The following DBN1 variants were observed in gnomAD, a reference collection of about 807,000 sequenced individuals.
DBN1 encodes the protein drebrin.
In DBN1, 21 loss-of-function variants were observed where a neutral mutation model predicts 83.5. The ratio of observed to expected loss-of-function variants is 0.25; its 90% CI spans 0.18 to 0.36. The LOEUF (loss-of-function observed/expected upper bound fraction) is 0.36. DBN1 is among the 10% of genes least tolerant of loss of function. The probability of loss-of-function intolerance (pLI) is 1.00; values close to 1 mark genes in which losing one functional copy is unlikely to be tolerated. For missense variants in DBN1, 874 were observed against 935.7 expected (o/e 0.93, Z 0.86); for synonymous variants, 381 against 384.9 (o/e 0.99, Z 0.12).
rs1757457487 is a variant in DBN1 at position 177,466,603 on chromosome 5, C to T, written c.771+169G>A. 6.6e-6 allele frequency among the ~76,000 whole-genome samples: 1 copy of T among 152,196 alleles called. No individual in the cohort carries two copies. Among genetic ancestry groups the T allele is most frequent in the Non-Finnish European group, 1.5e-5 (1 of 68,034 alleles). On this transcript the variant is annotated intron_variant, in intron 8 of 14. Transcript: ENST00000393565. The surrounding 1 kb of genome is among the most constrained non-coding windows in gnomAD (Gnocchi z 4.8). ...TTTCCACGGCCAGAGGCCAGAGCCC[C>T]ACGTGATGAGGTGCCAGGCCTCATG...
At chr5:177,458,945 A>G (rs1403933582) in intron 12 of DBN1, among the ~76,000 whole-genome samples, 153 bp downstream of exon 12, 1 of 152,112 alleles carries the variant, frequency 6.6e-6, no homozygotes, top group East Asian at 1.9e-4. Flanking sequence ...CTGACTGTAC[A>G]CCAGGGCTCC....
intron 10 of DBN1, among the ~76,000 whole-genome samples, chr5:177,460,169 A>G (rs1341684219): frequency 6.6e-6 from 1 of 152,220 alleles, no homozygotes; most frequent in Non-Finnish European, 1.5e-5. Flanking sequence ...CCCCGTGGCC[A>G]GCGCTGTGCC....
chr5:177,471,546 G>C (rs553430670), intron 1 of DBN1, among the ~76,000 whole-genome samples: 22 of 152,230 alleles, frequency 1.4e-4, no homozygotes, highest in African/African-American at 5.3e-4. Context: ...TGCAGGGTCT[G>C]CCTCTGAGTC....
intron 1 of DBN1, among the ~76,000 whole-genome samples, chr5:177,471,571 C>A (rs1362601971): frequency 6.6e-6 from 1 of 152,112 alleles, no homozygotes; most frequent in African/African-American, 2.4e-5. Flanking sequence ...GACCTCACTG[C>A]ACCCCTGGTT....
chr5:177,472,827 A>G, intron 1 of DBN1: 1 of 986,158 alleles, frequency 1.0e-6, no homozygotes, highest in Middle Eastern at 5.2e-4. Flanking sequence ...CGCGGTCGCC[A>G]TGTGGCAGCA....
At position 177,463,974 on chromosome 5, in the gene DBN1, G is replaced by C. The variant is rs182478426; in HGVS notation, c.771+2798C>G. Among the ~76,000 whole-genome samples the C allele has an allele frequency of 4.7e-3, 710 of 151,914 alleles. 3 individuals carry two copies. The highest frequency in any genetic ancestry group is 8.1e-3 in the Non-Finnish European group (550 of 67,986). On this transcript the variant is annotated intron_variant, in intron 8 of 14. Coordinates refer to ENST00000393565, the MANE Select transcript of DBN1 (RefSeq NM_001363541.2). ...TACTAAAAATACAAACATTAGCCGG[G>C]CATGGAGCCGTGCACCTGTAATCCC...
intron 1 of DBN1, among the ~76,000 whole-genome samples, chr5:177,471,096 G>A (rs1035351100): frequency 3.3e-5 from 5 of 152,134 alleles, no homozygotes; most frequent in Admixed American, 2.0e-4. Context: ...CTGAACTAGC[G>A]TGAGGTGGGA....
intron 1 of DBN1, among the ~76,000 whole-genome samples, chr5:177,471,813 G>A (rs917456791): frequency 1.3e-5 from 2 of 152,114 alleles, no homozygotes; most frequent in African/African-American, 4.8e-5. Context: ...GCAGGCCTGT[G>A]TTGAGCAGGA....
chr5:177,473,335 C>T (rs1757986091), intron 1 of DBN1, 101 bp downstream of exon 1: 3 of 660,146 alleles, frequency 4.5e-6, no homozygotes, highest in Admixed American at 3.9e-5. Context: ...ATTTCGGGGT[C>T]CCCCTCCCTT....
chr5:177,466,944 T>C lies in DBN1; in HGVS notation c.674A>G (p.Tyr225Cys), dbSNP rs1207079936. 1.2e-6 allele frequency: 2 copies of C among 1,612,708 alleles called. No homozygotes were observed. The highest frequency in any genetic ancestry group is 1.7e-6 in the Non-Finnish European group (2 of 1,179,756). ...RQEQEERERRYREREQQIEEH... is the reference protein window; with the variant it reads ...RQEQEERERRCREREQQIEEH... ...CTCGATCTGCTGCTCCCGCTCCCGGTAGCGCCGCTCGCGCTCCTCTTGCTC... is the reference window on the plus strand; with the variant it reads ...CTCGATCTGCTGCTCCCGCTCCCGGCAGCGCCGCTCGCGCTCCTCTTGCTC... Residue 225 changes from tyrosine (Y) to cysteine (C), a missense_variant, in exon 7 of 15, where the codon TAC (tyrosine) becomes TGC (cysteine). This residue lies in a region of DBN1 where 725 missense variants were observed against 719.7 expected (regional missense o/e 1.01). Transcript: ENST00000393565. The surrounding 1 kb of genome is among the most constrained non-coding windows in gnomAD (Gnocchi z 4.8).
chr5:177,466,499 G>A lies in DBN1; in HGVS notation c.771+273C>T, dbSNP rs957990114. On this transcript the variant is annotated intron_variant, in intron 8 of 14. Coordinates refer to ENST00000393565, the MANE Select transcript of DBN1 (RefSeq NM_001363541.2). This position sits in a 1 kb window ranked among gnomAD's most constrained non-coding sequence, Gnocchi z 4.8. ...CGAGAAACCCCAGGGCAGGGGAGGG[G>A]GAGCCTGGTCAGTGAGGGTCTGGGT... Among the ~76,000 whole-genome samples, 2 of 152,204 alleles carry A rather than the reference G, an allele frequency of 1.3e-5. No homozygotes were observed. Among genetic ancestry groups the A allele is most frequent in the African/African-American group, 4.8e-5 (2 of 41,446 alleles).
intron 1 of DBN1, chr5:177,472,047 C>A (rs1350837361): frequency 7.3e-6 from 11 of 1,516,998 alleles, no homozygotes; most frequent in South Asian, 1.3e-5. Context: ...TCTCAGCCCC[C>A]CTGGGGCAGG....
At chr5:177,462,414 C>A in intron 8 of DBN1, 1 of 985,478 alleles carries the variant, frequency 1.0e-6, no homozygotes, top group Non-Finnish European at 1.2e-6. Flanking sequence ...GGGGAAGGAC[C>A]TCTGAACAAG....
intron 1 of DBN1, 180 bp downstream of exon 1, chr5:177,473,247 GTGCCCCGCC>G (rs1757980895): frequency 3.9e-6 from 1 of 256,258 alleles, no homozygotes; most frequent in South Asian, 1.7e-4. Flanking sequence ...GGGCCCGGCA[GTGCCCCGCC>G]TGGCCCGCCG....
intron 8 of DBN1, among the ~76,000 whole-genome samples, 169 bp from the exon 9 acceptor site, chr5:177,460,872 T>C (rs1316212834): frequency 6.6e-6 from 1 of 151,990 alleles, no homozygotes; most frequent in African/African-American, 2.4e-5. Flanking sequence ...CTCTGCCTCC[T>C]GGGCTCAAGC....
In DBN1 at chr5:177,459,584, G is replaced by A; in HGVS notation, c.1093+19C>T. 1 of 1,498,106 alleles carries A rather than the reference G, an allele frequency of 6.7e-7. No homozygotes were observed. Among genetic ancestry groups the A allele is most frequent in the Non-Finnish European group, 8.9e-7 (1 of 1,118,464 alleles). 92.8% of individuals were successfully genotyped at this position (1,498,106 alleles called of 1,614,324 possible). A position where few individuals can be genotyped will look rare whatever the true frequency, so the allele number is the denominator to read the frequency against. On this transcript the variant is annotated intron_variant, in intron 11 of 14. Transcript: ENST00000393565. ...GGCCCTCCTTACCACCCCCGCCGAG[G>A]CCTGGGGCTGCTACCTACATGGGAG...
chr5:177,458,596 C>T lies in DBN1; in HGVS notation c.1376G>A (p.Gly459Glu). The change falls in exon 13 of 15, where the codon GGG becomes GAG. Residue 459 changes from glycine (G) to glutamate (E), a missense_variant. Around this residue, in one of 4 missense-constraint regions of DBN1, gnomAD observed 725 missense variants for 719.7 expected, o/e 1.01. Coordinates refer to ENST00000393565, the MANE Select transcript of DBN1 (RefSeq NM_001363541.2). ...EPPQAQAPPR[G>E]PGSPAEDLMF... Reference sequence around the variant, plus strand: ...CAAGTCCTCTGCAGGGCTGCCTGGCCCCCGGGGAGGCGCCTGTGCCTGAGG... The same window carrying T: ...CAAGTCCTCTGCAGGGCTGCCTGGCTCCCGGGGAGGCGCCTGTGCCTGAGG... 6.2e-7 allele frequency: 1 copy of T among 1,613,052 alleles called. No homozygotes were observed. The highest frequency in any genetic ancestry group is 8.5e-7 in the Non-Finnish European group (1 of 1,179,404).
chr5:177,465,133 A>T (rs1757355785), intron 8 of DBN1, among the ~76,000 whole-genome samples: 1 of 152,238 alleles, frequency 6.6e-6, no homozygotes, highest in Non-Finnish European at 1.5e-5. Context: ...GGCCTGGGCG[A>T]CAGAGCGAGA....
At chr5:177,460,361 G>A in intron 10 of DBN1, 71 bp downstream of exon 10, 1 of 1,606,324 alleles carries the variant, frequency 6.2e-7, no homozygotes, top group Non-Finnish European at 8.5e-7. Flanking sequence ...TCCCTTCTGA[G>A]AGAGTCCCAG....
Sources: allele counts gnomAD v4.1 joint callset (sites outside exome capture counted in the v4.1 genomes callset), GRCh38; gene constraint gnomAD v4.1.1; regional missense constraint gnomAD v4.1.1; non-coding constraint Gnocchi (gnomAD v3.1); transcripts MANE v1.5; gene names NCBI Gene and HGNC (gene_info 2026-07-23, HGNC 2026-07-21).